The following CTNND2 variants were observed in gnomAD, a reference collection of about 807,000 sequenced individuals.
CTNND2 encodes the protein catenin delta-2.
Under a neutral mutation model 144.4 loss-of-function variants are expected in CTNND2, and 22 were observed. The observed-to-expected ratio is 0.15, with a 90% CI of 0.11 to 0.22. The LOEUF is 0.22. Among genes scored for constraint, CTNND2 ranks in the 10% least tolerant of loss-of-function variants. CTNND2 has a pLI of 1.00. For synonymous variants in CTNND2, 751 were observed against 695.6 expected (o/e 1.08, Z -1.25); for missense variants, 1,353 against 1,618.8 (o/e 0.84, Z 2.82).
intron 1 of CTNND2, among the ~76,000 whole-genome samples, chr5:11,763,364 C>G (rs1349032509): frequency 6.6e-6 from 1 of 152,156 alleles, no homozygotes; most frequent in Non-Finnish European, 1.5e-5. Flanking sequence ...AGCCATTGTG[C>G]TTTCTGCCCA....
At chr5:11,901,754 A>G (rs1025882747) in intron 1 of CTNND2, among the ~76,000 whole-genome samples, 2 of 152,202 alleles carry the variant, frequency 1.3e-5, no homozygotes, top group African/African-American at 2.4e-5. Context: ...AAACCCACAT[A>G]TACAGTATAT....
chr5:11,201,138 C>T (rs1561012721), intron 10 of CTNND2, among the ~76,000 whole-genome samples: 1 of 152,214 alleles, frequency 6.6e-6, no homozygotes, highest in Non-Finnish European at 1.5e-5. Context: ...CATGTTCTAA[C>T]TTATTTGTTA....
At chr5:11,558,541 ATT>A (rs199720130) in intron 3 of CTNND2, among the ~76,000 whole-genome samples, 1 of 150,952 alleles carries the variant, frequency 6.6e-6, no homozygotes, top group Admixed American at 6.6e-5. Context: ...AATTTTTTGT[ATT>A]TTTTTTTGTA....
intron 12 of CTNND2, among the ~76,000 whole-genome samples, chr5:11,143,042 C>T (rs1299072497): frequency 6.6e-6 from 1 of 152,114 alleles, no homozygotes; most frequent in Non-Finnish European, 1.5e-5. Context: ...TCCTCCTTCC[C>T]CCTTGACTTC....
At chr5:11,232,406 C>T (rs2149888592) in intron 10 of CTNND2, among the ~76,000 whole-genome samples, 2 of 152,354 alleles carry the variant, frequency 1.3e-5, no homozygotes, top group South Asian at 4.1e-4. Flanking sequence ...CAGAGCTGCT[C>T]AAGGCCATGG....
intron 2 of CTNND2, among the ~76,000 whole-genome samples, chr5:11,648,495 C>T (rs1316228575): frequency 6.6e-6 from 1 of 152,124 alleles, no homozygotes; most frequent in Non-Finnish European, 1.5e-5. Context: ...CAGCTTTACA[C>T]CTTGCTGCAC....
chr5:11,755,912 A>G (rs1422034089), intron 1 of CTNND2, among the ~76,000 whole-genome samples: 1 of 151,120 alleles, frequency 6.6e-6, no homozygotes, highest in African/African-American at 2.4e-5. Flanking sequence ...TTCCTACCCT[A>G]TGTTCCTGTT....
chr5:11,708,143 C>T (rs1785817324), intron 2 of CTNND2, among the ~76,000 whole-genome samples: 1 of 151,804 alleles, frequency 6.6e-6, no homozygotes, highest in African/African-American at 2.4e-5. Context: ...CCATCCCAGG[C>T]TCAAGCAACC....
chr5:11,256,807 C>A (rs969652031), intron 9 of CTNND2, among the ~76,000 whole-genome samples: 1 of 152,100 alleles, frequency 6.6e-6, no homozygotes, highest in Non-Finnish European at 1.5e-5. Flanking sequence ...CATCAGTGTA[C>A]GCCAGGGTTT....
At chr5:11,534,193 A>G (rs1774008074) in intron 3 of CTNND2, among the ~76,000 whole-genome samples, 1 of 152,210 alleles carries the variant, frequency 6.6e-6, no homozygotes, top group Non-Finnish European at 1.5e-5. Flanking sequence ...GAAAAATTGA[A>G]AACCCCAAGT....
intron 7 of CTNND2, among the ~76,000 whole-genome samples, chr5:11,370,025 A>G (rs1001873555): frequency 3.9e-5 from 6 of 152,228 alleles, no homozygotes; most frequent in Admixed American, 6.5e-5. Context: ...TCATACTACA[A>G]TTGATTGGAC....
At chr5:11,641,677 T>C (rs771240897) in intron 2 of CTNND2, among the ~76,000 whole-genome samples, 3 of 136,044 alleles carry the variant, frequency 2.2e-5, no homozygotes, top group South Asian at 4.4e-4. Flanking sequence ...TACGTGTGTA[T>C]ATACATATAC....
rs1334488861 is a variant in CTNND2, at chr5:11,129,212, TA to T, written c.2160-11646del. Reference sequence around the variant, plus strand: ...ATATATAATATATATTATATATTTATATATTATATATAAATATATATTATAT... The same window carrying T: ...ATATATAATATATATTATATATTTATTATTATATATAAATATATATTATAT... On this transcript the variant is annotated intron_variant, in intron 12 of 21. Coordinates refer to ENST00000304623, the MANE Select transcript of CTNND2 (RefSeq NM_001332.4). Among the ~76,000 whole-genome samples the T allele has an allele frequency of 3.1e-4, 12 of 39,214 alleles. 2 individuals carry two copies. The highest frequency in any genetic ancestry group is 4.9e-4 in the Non-Finnish European group (11 of 22,434). The allele number at this position is 39,214 out of a possible 152,430, so 25.7% of individuals were successfully genotyped here. A position where few individuals can be genotyped will look rare whatever the true frequency, so the allele number is the denominator to read the frequency against.
chr5:11,362,490 A>G (rs1203265592), intron 8 of CTNND2, among the ~76,000 whole-genome samples: 1 of 152,186 alleles, frequency 6.6e-6, no homozygotes, highest in Non-Finnish European at 1.5e-5. Flanking sequence ...TTGCGGCTTT[A>G]TGCTTAGGAG....
chr5:11,517,857 A>G (rs1772318837), intron 3 of CTNND2, among the ~76,000 whole-genome samples: 1 of 152,224 alleles, frequency 6.6e-6, no homozygotes, highest in Admixed American at 6.5e-5. Context: ...CTCTCCTTTC[A>G]GCAAAGTTGA....
intron 15 of CTNND2, among the ~76,000 whole-genome samples, chr5:11,088,745 G>A (rs1750442618): frequency 2.7e-5 from 4 of 145,778 alleles, no homozygotes; most frequent in Non-Finnish European, 6.1e-5. Flanking sequence ...TAGGTAGTAA[G>A]TTAACTACAG....
At chr5:11,545,212 C>A (rs781234053) in intron 3 of CTNND2, among the ~76,000 whole-genome samples, 14 of 149,872 alleles carry the variant, frequency 9.3e-5, no homozygotes, top group Non-Finnish European at 1.9e-4. Context: ...ATCCCAGCTA[C>A]TAGGAGGGCT....
At chr5:11,244,881 C>T (rs1042536894) in intron 9 of CTNND2, among the ~76,000 whole-genome samples, 1 of 152,210 alleles carries the variant, frequency 6.6e-6, no homozygotes, top group Admixed American at 6.5e-5. Flanking sequence ...CCAGCAGCTC[C>T]TCCTTCCAAT....
intron 1 of CTNND2, among the ~76,000 whole-genome samples, chr5:11,732,851 C>G (rs944722689): frequency 6.6e-6 from 1 of 151,976 alleles, no homozygotes; most frequent in African/African-American, 2.4e-5. Context: ...CTCCCTGCCT[C>G]CTTTCTGATT....
Sources: allele counts gnomAD v4.1 joint callset (sites outside exome capture counted in the v4.1 genomes callset), GRCh38; gene constraint gnomAD v4.1.1; transcripts MANE v1.5; gene names NCBI Gene and HGNC (gene_info 2026-07-23, HGNC 2026-07-21).